Variants in NRG3 observed in about 807,000 individuals in gnomAD.
NRG3 encodes pro-neuregulin-3, membrane-bound isoform.
A neutral mutation model predicts 66.9 loss-of-function variants in NRG3; 31 were observed. The ratio of observed to expected loss-of-function variants is 0.46; its 90% CI spans 0.35 to 0.63. The LOEUF is 0.63. NRG3 is among the 20% of genes least tolerant of loss of function. The pLI, the probability that NRG3 is intolerant of heterozygous loss-of-function variation, is 0.00. For synonymous variants in NRG3, 393 were observed against 359.4 expected (o/e 1.09, Z -1.06); for missense variants, 910 against 878.9 (o/e 1.04, Z -0.45).
intron 1 of NRG3, among the ~76,000 whole-genome samples, chr10:82,004,287 G>A (rs181268657): frequency 2.0e-4 from 31 of 152,100 alleles, no homozygotes; most frequent in African/African-American, 6.8e-4. Flanking sequence ...ATTTCTTCAC[G>A]TGAATTACGG....
chr10:82,138,690 A>G (rs1009564747), intron 1 of NRG3, among the ~76,000 whole-genome samples: 2 of 152,132 alleles, frequency 1.3e-5, no homozygotes, highest in African/African-American at 4.8e-5. Context: ...CCTCAAAAGT[A>G]AGGAAGCCTA....
At chr10:82,360,027 A>G (rs1398259095) in intron 2 of NRG3, among the ~76,000 whole-genome samples, 3 of 152,182 alleles carry the variant, frequency 2.0e-5, no homozygotes, top group African/African-American at 2.4e-5. Flanking sequence ...AAAAGTTACC[A>G]TATGTCCTGT....
At chr10:82,586,240 TA>T (rs56840714) in intron 2 of NRG3, among the ~76,000 whole-genome samples, 32,615 of 144,050 alleles carry the variant, frequency 0.23, 4,244 homozygotes, top group African/African-American at 0.36. Context: ...TTGAAATTAT[TA>T]AAAAAAAAAA....
chr10:82,373,189 C>G (rs2085001869), intron 2 of NRG3, among the ~76,000 whole-genome samples: 2 of 152,196 alleles, frequency 1.3e-5, no homozygotes, highest in Admixed American at 1.3e-4. Flanking sequence ...GCAACACATG[C>G]ATACAGCAGA....
chr10:82,729,590 A>G (rs563371621), intron 2 of NRG3, among the ~76,000 whole-genome samples: 2 of 152,272 alleles, frequency 1.3e-5, no homozygotes, highest in African/African-American at 2.4e-5. Context: ...AGTTTTGTTA[A>G]TGAGGTGGTG....
chr10:82,002,426 C>A (rs912895264), intron 1 of NRG3, among the ~76,000 whole-genome samples: 3 of 152,070 alleles, frequency 2.0e-5, no homozygotes, highest in African/African-American at 7.2e-5. Flanking sequence ...AGTCTGGGAA[C>A]GTTCAATGTG....
intron 1 of NRG3, among the ~76,000 whole-genome samples, chr10:82,335,955 A>T (rs916347002): frequency 5.9e-5 from 9 of 152,208 alleles, no homozygotes; most frequent in Non-Finnish European, 8.8e-5. Flanking sequence ...AATATTTTAG[A>T]GTTTATGGGT....
At chr10:82,875,804 A>C (rs1841769488) in intron 4 of NRG3, among the ~76,000 whole-genome samples, 1 of 152,260 alleles carries the variant, frequency 6.6e-6, no homozygotes, top group Non-Finnish European at 1.5e-5. Flanking sequence ...CTCCCAAGCC[A>C]TACATATAAG....
intron 3 of NRG3, among the ~76,000 whole-genome samples, chr10:82,815,488 A>C (rs2135534244): frequency 6.6e-6 from 1 of 152,168 alleles, no homozygotes. Flanking sequence ...TTTCCTCAAA[A>C]ATTTTCTCTT....
At chr10:81,973,251 ATAGT>A (rs901415385) in intron 1 of NRG3, among the ~76,000 whole-genome samples, 1 of 152,170 alleles carries the variant, frequency 6.6e-6, no homozygotes, top group Admixed American at 6.5e-5. Flanking sequence ...CAGTTTTCTA[ATAGT>A]TGTATAACAT....
chr10:82,365,269 G>A (rs145610774), intron 2 of NRG3, among the ~76,000 whole-genome samples: 194 of 152,254 alleles, frequency 1.3e-3, no homozygotes, highest in African/African-American at 4.3e-3. Context: ...TCGACAGGAG[G>A]GAATGAAGGC....
chr10:82,153,411 TTGTGTG>T (rs34783247), intron 1 of NRG3, among the ~76,000 whole-genome samples: 6 of 146,528 alleles, frequency 4.1e-5, no homozygotes, highest in South Asian at 2.2e-4. Flanking sequence ...TAGTATTCCA[TTGTGTG>T]TGTGTGTGTG....
At chr10:82,821,103 G>A (rs975156484) in intron 3 of NRG3, among the ~76,000 whole-genome samples, 1 of 152,112 alleles carries the variant, frequency 6.6e-6, no homozygotes, top group African/African-American at 2.4e-5. Context: ...TCCATTTCAT[G>A]ACCTTGTTTT....
In NRG3 at chr10:82,431,104, A is replaced by G. The variant is rs575670013; in HGVS notation, c.953+72236A>G. Among the ~76,000 whole-genome samples the G allele has an allele frequency of 2.6e-5, 4 of 152,232 alleles. No individual in the cohort carries two copies. The South Asian group carries it at 8.3e-4, about 32-fold the overall frequency. On this transcript the variant is annotated intron_variant, in intron 2 of 8. Coordinates refer to ENST00000372141, the MANE Select transcript of NRG3 (RefSeq NM_001010848.4). ...TATTTGCTTCAACTGGTATCACCAC[A>G]TCAGAAAGCTATGAAAAACAATTGC...
At chr10:82,386,934 G>A (rs2086037206) in intron 2 of NRG3, among the ~76,000 whole-genome samples, 1 of 152,048 alleles carries the variant, frequency 6.6e-6, no homozygotes, top group Admixed American at 6.6e-5. Flanking sequence ...GGAGTAGCTG[G>A]GTTTACAGGC....
At chr10:82,033,067 G>T (rs970633159) in intron 1 of NRG3, among the ~76,000 whole-genome samples, 1 of 152,106 alleles carries the variant, frequency 6.6e-6, no homozygotes, top group Non-Finnish European at 1.5e-5. Context: ...TCAAAGAACA[G>T]ACTTAATTAT....
intron 1 of NRG3, among the ~76,000 whole-genome samples, chr10:82,298,348 A>AGTG (rs902382364): frequency 1.3e-5 from 2 of 152,120 alleles, no homozygotes; most frequent in African/African-American, 4.8e-5. Context: ...ATCTAAAAGT[A>AGTG]GTGTGTTAAT....
At chr10:82,630,702 G>A (rs1168734825) in intron 2 of NRG3, among the ~76,000 whole-genome samples, 1 of 151,800 alleles carries the variant, frequency 6.6e-6, no homozygotes, top group East Asian at 1.9e-4. Context: ...AGTTGAAATA[G>A]TTTTAATGGC....
At chr10:82,026,247 C>T (rs2062300355) in intron 1 of NRG3, among the ~76,000 whole-genome samples, 1 of 151,946 alleles carries the variant, frequency 6.6e-6, no homozygotes, top group South Asian at 2.1e-4. Flanking sequence ...GGTGTATCCC[C>T]TTGCAAAATC....
Sources: allele counts gnomAD v4.1 joint callset (sites outside exome capture counted in the v4.1 genomes callset), GRCh38; gene constraint gnomAD v4.1.1; transcripts MANE v1.5; gene names NCBI Gene and HGNC (gene_info 2026-07-23, HGNC 2026-07-21).